The following NIN variants were observed in gnomAD, a reference collection of about 807,000 sequenced individuals.
NIN encodes ninein.
A neutral mutation model predicts 257.6 loss-of-function variants in NIN; 137 were observed. The ratio of observed to expected loss-of-function variants is 0.53; its 90% CI spans 0.46 to 0.61. The LOEUF (loss-of-function observed/expected upper bound fraction) is 0.61, where lower values mean the gene tolerates loss of function less well. Ranked by LOEUF, NIN falls within the 20% of genes least tolerant of loss-of-function variation. NIN has a pLI of 0.00. For missense variants in NIN, 2,439 were observed against 2,501.2 expected (o/e 0.98, Z 0.53); for synonymous variants, 918 against 919.8 (o/e 1.00, Z 0.04).
At chr14:50,776,917 T>C (rs1380444862) in intron 7 of NIN, 32 bp downstream of exon 7, 2 of 1,574,578 alleles carry the variant, frequency 1.3e-6, no homozygotes, top group South Asian at 2.3e-5. Flanking sequence ...TTTACCATCA[T>C]TATCATTCCT....
At chr14:50,752,158 G>GTTTTTTTTTTTTTTTTTTTTTTTTTT (rs4027697) in intron 21 of NIN, among the ~76,000 whole-genome samples, 1 of 148,630 alleles carries the variant, frequency 6.7e-6, no homozygotes, top group African/African-American at 2.5e-5. Flanking sequence ...TATTTGTATA[G>GTTTTTTTTTTTTTTTTTTTTTTTTTT]TTTTTTTTTT....
chr14:50,729,250 A>AT (rs1240726149), intron 29 of NIN, among the ~76,000 whole-genome samples: 5 of 145,084 alleles, frequency 3.4e-5, no homozygotes, highest in Non-Finnish European at 7.6e-5. Context: ...TAGGATTGTG[A>AT]TTTTGTTTTT....
At position 50,822,135 on chromosome 14, in the gene NIN, T is replaced by A. The variant is rs991362659; in HGVS notation, c.-21-58A>T. The A allele has an allele frequency of 7.8e-6, 10 of 1,288,988 alleles. No homozygotes were observed. The Admixed American group carries it at 1.3e-4, about 17-fold the overall frequency. 79.8% of individuals were successfully genotyped at this position (1,288,988 alleles called of 1,614,324 possible). A position where few individuals can be genotyped will look rare whatever the true frequency, so the allele number is the denominator to read the frequency against. Reference sequence around the variant, plus strand: ...GGCAGCCTCTCCAGTCCTACCGTGGTCACCACCTGGCACATTCCCGTTCTC... The same window carrying A: ...GGCAGCCTCTCCAGTCCTACCGTGGACACCACCTGGCACATTCCCGTTCTC... On this transcript the variant is annotated intron_variant, in intron 2 of 30. Transcript: ENST00000530997.
chr14:50,737,249 G>A (rs1461344183), intron 27 of NIN, among the ~76,000 whole-genome samples: 1 of 152,132 alleles, frequency 6.6e-6, no homozygotes, highest in Non-Finnish European at 1.5e-5. Flanking sequence ...AAAAGGCCCA[G>A]GTAGTGAAGA....
chr14:50,774,734 A>G (rs756865685), intron 7 of NIN, among the ~76,000 whole-genome samples: 3 of 152,242 alleles, frequency 2.0e-5, no homozygotes, highest in Admixed American at 2.0e-4. Context: ...GACATTAGCC[A>G]AATCAGTGCA....
rs187061453 is a variant in NIN at position 50,720,082 on chromosome 14, T to C, written c.*3381A>G. The C allele has an allele frequency of 6.3e-5, 14 of 220,938 alleles. No homozygotes were observed. Among genetic ancestry groups the C allele is most frequent in the Middle Eastern group, 1.4e-3 (1 of 720 alleles). The allele number at this position is 220,938 out of a possible 1,614,324, so 13.7% of individuals were successfully genotyped here. A position where few individuals can be genotyped will look rare whatever the true frequency, so the allele number is the denominator to read the frequency against. ...GAGAAGCAAAAAGCTAACTTTGATT[T>C]GTTAAACAGCTATTCATATGCCACA... On this transcript the variant is annotated 3_prime_UTR_variant, in exon 31 of 31. Coordinates refer to ENST00000530997, the MANE Select transcript of NIN (RefSeq NM_020921.4).
intron 29 of NIN, chr14:50,727,321 G>A (rs181853871): frequency 7.1e-6 from 7 of 987,628 alleles, no homozygotes; most frequent in Non-Finnish European, 7.3e-6. Flanking sequence ...AATACCCCTG[G>A]TTTTCTTCAA....
chr14:50,733,997 G>T (rs563647364), intron 28 of NIN, among the ~76,000 whole-genome samples: 1 of 151,894 alleles, frequency 6.6e-6, no homozygotes, highest in Non-Finnish European at 1.5e-5. Flanking sequence ...ATCAATGCTT[G>T]GTGCTTGGTT....
chr14:50,724,078 G>A (rs888495983), intron 30 of NIN: 2 of 191,542 alleles, frequency 1.0e-5, no homozygotes, highest in African/African-American at 2.3e-5. Context: ...CTTACCATTC[G>A]TAACTACAAC....
chr14:50,771,593 T>C, intron 9 of NIN, 125 bp from the exon 10 acceptor site: 1 of 1,002,780 alleles, frequency 1.0e-6, no homozygotes, highest in Non-Finnish European at 1.5e-6. Context: ...ACAATTCCAT[T>C]GCTTTGGTGA....
chr14:50,821,915 C>A lies in NIN; in HGVS notation c.142G>T (p.Val48Leu). The A allele has an allele frequency of 6.2e-7, 1 of 1,614,188 alleles. No homozygotes were observed. Among genetic ancestry groups the A allele is most frequent in the African/African-American group, 1.3e-5 (1 of 75,042 alleles). ...HMLSLEEVAP[V>L]LQQTLLQDNL... ...TCCTGAAGTAATGTCTGCTGCAGCA[C>A]TGGGGCCACCTCCTCCAAGCTCAAC... The change falls in exon 3 of 31, where the codon GTG (valine) becomes TTG (leucine). Residue 48 changes from valine to leucine, a missense_variant. Val to Leu is a conservative substitution (Grantham distance 32, BLOSUM62 1). Coordinates refer to ENST00000530997, the MANE Select transcript of NIN (RefSeq NM_020921.4).
intron 2 of NIN, among the ~76,000 whole-genome samples, chr14:50,829,697 G>A (rs1251868144): frequency 6.6e-6 from 1 of 152,244 alleles, no homozygotes; most frequent in Non-Finnish European, 1.5e-5. Context: ...CTGGAAACAT[G>A]ATATATGGTA....
chr14:50,751,474 G>A (rs1320169182), intron 21 of NIN, among the ~76,000 whole-genome samples: 2 of 114,044 alleles, frequency 1.8e-5, no homozygotes, highest in South Asian at 4.6e-4. Context: ...TCTTATAGGT[G>A]AGAAATTATA....
intron 22 of NIN, 60 bp downstream of exon 22, chr14:50,747,932 A>T: frequency 2.3e-5 from 26 of 1,126,182 alleles, no homozygotes; most frequent in Non-Finnish European, 3.4e-5. Context: ...TACCAGCCCA[A>T]CAGGAGCCCA....
chr14:50,736,192 GCACA>G (rs1566784474), intron 27 of NIN, among the ~76,000 whole-genome samples: 2 of 151,810 alleles, frequency 1.3e-5, no homozygotes, highest in East Asian at 1.9e-4. Context: ...GAGTGCAGTG[GCACA>G]GTCTCAGCTC....
intron 14 of NIN, among the ~76,000 whole-genome samples, chr14:50,764,890 T>C (rs2042413499): frequency 2.0e-5 from 3 of 151,906 alleles, no homozygotes; most frequent in Non-Finnish European, 4.4e-5. Flanking sequence ...AATGCGGTGA[T>C]GTTTGCACAA....
chr14:50,720,761 T>C lies in NIN; in HGVS notation c.*2702A>G, dbSNP rs1274478732. 1 of 203,224 alleles carries C rather than the reference T, an allele frequency of 4.9e-6. No individual in the cohort carries two copies. The highest frequency in any genetic ancestry group is 1.0e-5 in the Non-Finnish European group (1 of 98,940). 12.6% of individuals were successfully genotyped at this position (203,224 alleles called of 1,614,324 possible). On this transcript the variant is annotated 3_prime_UTR_variant, in exon 31 of 31. Coordinates refer to ENST00000530997, the MANE Select transcript of NIN (RefSeq NM_020921.4). Reference sequence around the variant, plus strand: ...TTCTAAAAAGCAGAAGAGAGTACAATAGGATGAGAGAGGTGGGTTTTACTA... The same window carrying C: ...TTCTAAAAAGCAGAAGAGAGTACAACAGGATGAGAGAGGTGGGTTTTACTA...
chr14:50,823,435 A>G, intron 2 of NIN: 1 of 333,902 alleles, frequency 3.0e-6, no homozygotes, highest in Non-Finnish European at 6.2e-6. Flanking sequence ...ACGGCAGATC[A>G]TTACAACATG....
chr14:50,753,852 C>T (rs1171538775), intron 20 of NIN, among the ~76,000 whole-genome samples: 3 of 152,018 alleles, frequency 2.0e-5, no homozygotes, highest in African/African-American at 7.2e-5. Context: ...CTTCTCTAAT[C>T]ACTAATAAGG....
Sources: allele counts gnomAD v4.1 joint callset (sites outside exome capture counted in the v4.1 genomes callset), GRCh38; gene constraint gnomAD v4.1.1; transcripts MANE v1.5; gene names NCBI Gene and HGNC (gene_info 2026-07-23, HGNC 2026-07-21).